The following HTR4 variants were observed in gnomAD, a reference collection of about 807,000 sequenced individuals.
HTR4 encodes 5-hydroxytryptamine (serotonin) receptor 4, G protein-coupled.
In HTR4, 16 loss-of-function variants were observed where a neutral mutation model predicts 36.8. That is an observed-to-expected ratio of 0.43 (90% CI 0.29 to 0.66). The LOEUF (loss-of-function observed/expected upper bound fraction) is 0.66. HTR4 is among the 30% of genes least tolerant of loss of function. HTR4 has a pLI of 0.13. For synonymous variants in HTR4, 189 were observed against 185.1 expected (o/e 1.02, Z -0.17); for missense variants, 438 against 490.9 (o/e 0.89, Z 1.02).
intron 2 of HTR4, among the ~76,000 whole-genome samples, chr5:148,592,477 A>G (rs1421352947): frequency 6.6e-6 from 1 of 151,586 alleles, no homozygotes; most frequent in East Asian, 2.0e-4. Context: ...TAAAAGCCCC[A>G]TGTCTTCTAG....
chr5:148,457,104 T>C (rs1405666412), intron 5 of HTR4, among the ~76,000 whole-genome samples: 1 of 152,080 alleles, frequency 6.6e-6, no homozygotes, highest in East Asian at 1.9e-4. Flanking sequence ...TAGCCTGGCA[T>C]TATCTGTAAA....
At chr5:148,535,582 C>A (rs1212098984) in intron 4 of HTR4, among the ~76,000 whole-genome samples, 2 of 152,150 alleles carry the variant, frequency 1.3e-5, no homozygotes, top group African/African-American at 4.8e-5. Context: ...ACAAGAATTT[C>A]TCAATGCATT....
intron 1 of HTR4, among the ~76,000 whole-genome samples, chr5:148,641,471 C>A (rs1040402338): frequency 3.3e-5 from 5 of 152,104 alleles, no homozygotes; most frequent in Non-Finnish European, 7.4e-5. Flanking sequence ...AAGGGATGGG[C>A]GAGGAGTTAA....
intron 2 of HTR4, among the ~76,000 whole-genome samples, chr5:148,596,257 A>G (rs1761767080): frequency 6.6e-6 from 1 of 152,198 alleles, no homozygotes; most frequent in African/African-American, 2.4e-5. Flanking sequence ...TGTGTCCAGG[A>G]AATCTATTTT....
At chr5:148,541,068 A>T (rs1266555272) in intron 4 of HTR4, among the ~76,000 whole-genome samples, 1 of 152,202 alleles carries the variant, frequency 6.6e-6, no homozygotes, top group Non-Finnish European at 1.5e-5. Flanking sequence ...TCAGTTATTT[A>T]TTCCTCACAA....
At chr5:148,582,837 G>A (rs1761192666) in intron 2 of HTR4, among the ~76,000 whole-genome samples, 1 of 152,090 alleles carries the variant, frequency 6.6e-6, no homozygotes, top group Admixed American at 6.5e-5. Flanking sequence ...ATTTTGGGCT[G>A]AGACAACGGG....
At chr5:148,602,994 C>G (rs1192681098) in intron 2 of HTR4, among the ~76,000 whole-genome samples, 1 of 152,000 alleles carries the variant, frequency 6.6e-6, no homozygotes, top group Non-Finnish European at 1.5e-5. Context: ...GCCCAGATAA[C>G]TTACTGGTGA....
chr5:148,596,403 C>T (rs2127263683), intron 2 of HTR4, among the ~76,000 whole-genome samples: 1 of 152,244 alleles, frequency 6.6e-6, no homozygotes, highest in Non-Finnish European at 1.5e-5. Context: ...CTTTAAAGTT[C>T]ACAGTTCTTA....
intron 2 of HTR4, among the ~76,000 whole-genome samples, chr5:148,610,259 T>C (rs1435235035): frequency 6.6e-6 from 1 of 152,106 alleles, no homozygotes; most frequent in Non-Finnish European, 1.5e-5. Flanking sequence ...ACACAGAAGA[T>C]GCGTGATTTC....
chr5:148,511,770 G>A (rs747031607), intron 5 of HTR4, among the ~76,000 whole-genome samples: 37 of 151,988 alleles, frequency 2.4e-4, no homozygotes, highest in Admixed American at 4.6e-4. Context: ...TTTCCACCAC[G>A]AGAGCAGGAG....
At chr5:148,600,029 G>C (rs1761926895) in intron 2 of HTR4, among the ~76,000 whole-genome samples, 1 of 151,040 alleles carries the variant, frequency 6.6e-6, no homozygotes, top group Admixed American at 6.6e-5. Flanking sequence ...AATAATAAAA[G>C]ACAAATTTTT....
Position 148,504,856 on chromosome 5 carries a change from C to T in HTR4, c.1076+4600G>A, listed in dbSNP as rs983772395. Among the ~76,000 whole-genome samples, 18 of 152,322 alleles carry T rather than the reference C, an allele frequency of 1.2e-4. No individual in the cohort carries two copies. In the East Asian group the frequency reaches 3.1e-3, roughly 26 times the overall value. ...AAATACAAACTACCATCAGAGAATA[C>T]TATAAACACCTCTACGCAAATAAAC... is the stretch of plus-strand genomic sequence containing the variant. On this transcript the variant is annotated intron_variant, in intron 6 of 6. Transcript: ENST00000377888.
chr5:148,465,760 A>C, intron 5 of HTR4: 1 of 1,504,700 alleles, frequency 6.6e-7, no homozygotes, highest in Non-Finnish European at 8.9e-7. Flanking sequence ...CTGTGAGGAC[A>C]GAAGTATAAA....
At chr5:148,586,455 C>T (rs911728412) in intron 2 of HTR4, among the ~76,000 whole-genome samples, 3 of 151,670 alleles carry the variant, frequency 2.0e-5, no homozygotes, top group African/African-American at 4.8e-5. Context: ...TATATTAGTC[C>T]ATTTTCACAC....
chr5:148,570,904 CG>C (rs1760648100), intron 2 of HTR4, among the ~76,000 whole-genome samples: 1 of 151,820 alleles, frequency 6.6e-6, no homozygotes, highest in African/African-American at 2.4e-5. Flanking sequence ...TTCCTTGTAT[CG>C]ATACCAGTCA....
chr5:148,504,824 C>T (rs1201545022), intron 6 of HTR4, among the ~76,000 whole-genome samples: 2 of 152,164 alleles, frequency 1.3e-5, no homozygotes, highest in African/African-American at 4.8e-5. Flanking sequence ...CACTACCGAT[C>T]CCACAGAAAT....
Position 148,654,136 on chromosome 5 carries a change from T to C in HTR4, c.-122A>G. On this transcript the variant is annotated 5_prime_UTR_variant, in exon 1 of 7. Transcript: ENST00000377888. The stretch of plus-strand genomic sequence containing the variant: ...ACCCCCAGCCGCTGAGCCGAGCTTC[T>C]GCTGCCGCCGCTGCCGCTGCGCTCC... The C allele has an allele frequency of 1.0e-6, 1 of 985,722 alleles. No homozygotes were observed. Among genetic ancestry groups the C allele is most frequent in the Non-Finnish European group, 1.2e-6 (1 of 830,084 alleles). The allele number at this position is 985,722 out of a possible 1,614,324, so 61.1% of individuals were successfully genotyped here.
intron 2 of HTR4, among the ~76,000 whole-genome samples, chr5:148,609,845 C>G (rs908797760): frequency 6.6e-6 from 1 of 152,126 alleles, no homozygotes; most frequent in East Asian, 1.9e-4. Context: ...GGATTACAGG[C>G]GTGAGCCACC....
intron 5 of HTR4, among the ~76,000 whole-genome samples, chr5:148,455,506 A>G (rs1340546756): frequency 6.6e-6 from 1 of 152,164 alleles, no homozygotes; most frequent in African/African-American, 2.4e-5. Context: ...AGGAATAACT[A>G]GAAAAGAAGT....
Sources: allele counts gnomAD v4.1 joint callset (sites outside exome capture counted in the v4.1 genomes callset), GRCh38; gene constraint gnomAD v4.1.1; transcripts MANE v1.5; gene names NCBI Gene and HGNC (gene_info 2026-07-23, HGNC 2026-07-21).